The following MAP3K3 variants were observed in gnomAD, a reference collection of about 807,000 sequenced individuals.
MAP3K3 encodes the protein MAP/ERK kinase kinase 3.
In MAP3K3, 12 loss-of-function variants were observed where a neutral mutation model predicts 80.9. The observed-to-expected ratio is 0.15, with a 90% CI of 0.10 to 0.24. MAP3K3 has a LOEUF of 0.24. Ranked by LOEUF, MAP3K3 falls within the 10% of genes least tolerant of loss-of-function variation. MAP3K3 has a pLI of 1.00. For synonymous variants in MAP3K3, 272 were observed against 307.1 expected, an observed-to-expected ratio of 0.89 and a Z score of 1.19; for missense variants, 596 against 834.7, an observed-to-expected ratio of 0.71 and a Z score of 3.52.
At chr17:63,672,582 T>C (rs767587606) in intron 6 of MAP3K3, among the ~76,000 whole-genome samples, 17 of 152,186 alleles carry the variant, frequency 1.1e-4, no homozygotes, top group African/African-American at 2.4e-5. Flanking sequence ...GAAATTGTTA[T>C]GTTGAAACCA....
intron 5 of MAP3K3, among the ~76,000 whole-genome samples, chr17:63,660,255 C>T (rs1193932293): frequency 6.6e-6 from 1 of 152,096 alleles, no homozygotes; most frequent in Non-Finnish European, 1.5e-5. Context: ...AGCTGGAGTG[C>T]AGTGGCGCAG....
At position 63,692,769 on chromosome 17, in the gene MAP3K3, C is replaced by T. The variant is rs543062447; in HGVS notation, c.1652+350C>T. On this transcript the variant is annotated intron_variant, in intron 15 of 15. Transcript: ENST00000361733. This position sits in a 1 kb window ranked among gnomAD's most constrained non-coding sequence, Gnocchi z 4.5. ...GCACTCAAGACAGTTTGCACTTGCT[C>T]GACATAACCTTGTGTCTATCCTCTG... is the stretch of plus-strand genomic sequence containing the variant. Among the ~76,000 whole-genome samples the T allele has an allele frequency of 7.2e-5, 11 of 152,302 alleles. 1 individual carries two copies. The South Asian group carries it at 2.3e-3, about 32-fold the overall frequency.
In MAP3K3 at chr17:63,622,500, AGCGGCGCCGCCGAGGCCGGGCTGG is replaced by A. The variant is rs1027721569; in HGVS notation, c.-257_-234del. On this transcript the variant is annotated 5_prime_UTR_variant, in exon 1 of 16. Coordinates refer to ENST00000361733, the MANE Select transcript of MAP3K3 (RefSeq NM_002401.5). Reference sequence around the variant, plus strand: ...GAGGGACTGGCGGGCGGGCGGGCCGAGCGGCGCCGCCGAGGCCGGGCTGGGCCGAGCCCAGGAGCGCCCGGGATG... The same window carrying A: ...GAGGGACTGGCGGGCGGGCGGGCCGAGCCGAGCCCAGGAGCGCCCGGGATG... 2 of 151,184 alleles carry A rather than the reference AGCGGCGCCGCCGAGGCCGGGCTGG, an allele frequency of 1.3e-5. No individual in the cohort carries two copies. The highest frequency in any genetic ancestry group is 4.9e-5 in the African/African-American group (2 of 40,746). 9.4% of individuals were successfully genotyped at this position (151,184 alleles called of 1,614,324 possible).
At chr17:63,681,246 A>G (rs949551585) in intron 6 of MAP3K3, among the ~76,000 whole-genome samples, 1 of 152,084 alleles carries the variant, frequency 6.6e-6, no homozygotes, top group Non-Finnish European at 1.5e-5. Flanking sequence ...CAAGTAGAGA[A>G]CAAATAAGGG....
intron 4 of MAP3K3, among the ~76,000 whole-genome samples, chr17:63,657,229 T>G (rs896144741): frequency 1.2e-4 from 19 of 152,058 alleles, no homozygotes; most frequent in Non-Finnish European, 2.6e-4. Flanking sequence ...TGTAACTGTT[T>G]GCAACTTGAT....
chr17:63,643,402 G>A (rs1016215575), intron 2 of MAP3K3, among the ~76,000 whole-genome samples: 3 of 152,008 alleles, frequency 2.0e-5, no homozygotes, highest in African/African-American at 7.3e-5. Flanking sequence ...AGCTACATGG[G>A]AGGCTGAGGT....
Position 63,690,271 on chromosome 17 carries a change from T to A in MAP3K3, c.1071T>A (p.Ser357Arg), listed in dbSNP as rs747155850. The A allele has an allele frequency of 6.2e-7, 1 of 1,613,868 alleles. No homozygotes were observed. Among genetic ancestry groups the A allele is most frequent in the South Asian group, 1.1e-5 (1 of 91,052 alleles). ...QERNVPTKSPSAPINWRRGKL... is the reference protein window; with the variant it reads ...QERNVPTKSPRAPINWRRGKL... ...CCTTCTGCTCTCCTGTAGCTCCCAG[T>A]GCCCCCATCAACTGGCGCCGGGGAA... The change falls in exon 12 of 16, where the codon AGT becomes AGA. Residue 357 changes from serine to arginine, a missense_variant. Around this residue, in one of 2 missense-constraint regions of MAP3K3, gnomAD observed 364 missense variants for 588.9 expected, o/e 0.62. Coordinates refer to ENST00000361733, the MANE Select transcript of MAP3K3 (RefSeq NM_002401.5).
rs1245803471 is a variant in MAP3K3, at chr17:63,694,836, G to A, written c.*1059G>A. ...GCTACCACCAGCTGTGTCCAAAACC[G>A]CCAGCTCTGTTCTTCCTCAGCCAGC... On this transcript the variant is annotated 3_prime_UTR_variant, in exon 16 of 16. Transcript: ENST00000361733. 6 of 153,172 alleles carry A rather than the reference G, an allele frequency of 3.9e-5. No individual in the cohort carries two copies. Among genetic ancestry groups the A allele is most frequent in the South Asian group, 4.1e-4 (2 of 4,842 alleles). The allele number at this position is 153,172 out of a possible 1,614,324, so 9.5% of individuals were successfully genotyped here.
At position 63,689,151 on chromosome 17, in the gene MAP3K3, C is replaced by G. The variant is rs1313069197; in HGVS notation, c.871+270C>G. On this transcript the variant is annotated intron_variant, in intron 10 of 15. Transcript: ENST00000361733. The surrounding 1 kb of genome is among the most constrained non-coding windows in gnomAD (Gnocchi z 4.3). ...CCATCTCTCCCATGTCCTCTTCTGCCCCACAGCAGCAGGTGGCCTGGGCCC... is the reference window on the plus strand; with the variant it reads ...CCATCTCTCCCATGTCCTCTTCTGCGCCACAGCAGCAGGTGGCCTGGGCCC... The G allele has an allele frequency of 1.8e-6, 1 of 566,612 alleles. No homozygotes were observed. Among genetic ancestry groups the G allele is most frequent in the East Asian group, 3.0e-5 (1 of 33,130 alleles). The allele number at this position is 566,612 out of a possible 1,614,324, so 35.1% of individuals were successfully genotyped here. A position where few individuals can be genotyped will look rare whatever the true frequency, so the allele number is the denominator to read the frequency against.
At chr17:63,631,803 T>C (rs912058152) in intron 1 of MAP3K3, among the ~76,000 whole-genome samples, 12 of 152,210 alleles carry the variant, frequency 7.9e-5, no homozygotes, top group African/African-American at 2.9e-4. Context: ...ACCCTTTGAC[T>C]TCCCCATGGG....
At chr17:63,688,410 A>G in intron 8 of MAP3K3, 117 bp from the exon 9 acceptor site, 1 of 805,114 alleles carries the variant, frequency 1.2e-6, no homozygotes, top group Non-Finnish European at 2.2e-6. Context: ...TTTCCCGCAA[A>G]ATCTGCTTCC....
In MAP3K3 at chr17:63,632,664, G is replaced by A. The variant is rs780415686; in HGVS notation, c.5-17G>A. Reference sequence around the variant, plus strand: ...TGTATTTAAGTGTCTTAGTCCATGTGCTCTCTTTCATTGCAGACGAACAGG... The same window carrying A: ...TGTATTTAAGTGTCTTAGTCCATGTACTCTCTTTCATTGCAGACGAACAGG... On this transcript the variant is annotated splice_polypyrimidine_tract_variant and intron_variant, in intron 1 of 15. Transcript: ENST00000361733. 1 of 1,613,408 alleles carries A rather than the reference G, an allele frequency of 6.2e-7. No homozygotes were observed. The highest frequency in any genetic ancestry group is 1.7e-5 in the Admixed American group (1 of 59,996).
intron 3 of MAP3K3, 135 bp from the exon 4 acceptor site, chr17:63,652,422 G>A (rs1029799756): frequency 4.7e-6 from 3 of 643,128 alleles, no homozygotes; most frequent in Middle Eastern, 3.7e-4. Context: ...GGAAACAATC[G>A]GGAAAAGGCA....
intron 5 of MAP3K3, 103 bp from the exon 6 acceptor site, chr17:63,666,837 A>T: frequency 7.8e-7 from 1 of 1,289,258 alleles, no homozygotes; most frequent in Non-Finnish European, 1.1e-6. Context: ...AAAAGCATGA[A>T]GGTGGCTGAG....
rs1298185299 is a variant in MAP3K3 at position 63,693,622 on chromosome 17, A to G, written c.1726A>G (p.Ile576Val). 35 of 1,610,314 alleles carry G rather than the reference A, an allele frequency of 2.2e-5. No individual in the cohort carries two copies. The highest frequency in any genetic ancestry group is 2.9e-5 in the Non-Finnish European group (34 of 1,177,512). The change falls in exon 16 of 16, where the codon ATC (isoleucine) becomes GTC (valine). Residue 576 changes from isoleucine (I) to valine (V), a missense_variant. Coordinates refer to ENST00000361733, the MANE Select transcript of MAP3K3 (RefSeq NM_002401.5). The surrounding 1 kb of genome is among the most constrained non-coding windows in gnomAD (Gnocchi z 4.2). Reference sequence around the variant, plus strand: ...GGCAGAGTATGAAGCTATGGCCGCCATCTTCAAGATTGCCACCCAGCCCAC... The same window carrying G: ...GGCAGAGTATGAAGCTATGGCCGCCGTCTTCAAGATTGCCACCCAGCCCAC... Reference protein sequence around the residue: ...PWAEYEAMAAIFKIATQPTNP... With the variant: ...PWAEYEAMAAVFKIATQPTNP...
rs115922784 is a variant in MAP3K3 at position 63,685,847 on chromosome 17, C to T, written c.710+257C>T. ...AAGTGCTTTACATGTTTTGACTTTC[C>T]ATATAATATATGCCGCTCTCGTACT... On this transcript the variant is annotated intron_variant, in intron 8 of 15. Transcript: ENST00000361733. Among the ~76,000 whole-genome samples the T allele has an allele frequency of 8.5e-3, 1,292 of 152,272 alleles. 21 individuals are homozygous for T. Among genetic ancestry groups the T allele is most frequent in the African/African-American group, 0.029 (1,203 of 41,550 alleles).
rs2035535256 is a variant in MAP3K3 at position 63,689,484 on chromosome 17, A to G, written c.872-60A>G. 3 of 1,483,496 alleles carry G rather than the reference A, an allele frequency of 2.0e-6. No individual in the cohort carries two copies. Among genetic ancestry groups the G allele is most frequent in the Admixed American group, 3.9e-5 (2 of 51,688 alleles). The allele number at this position is 1,483,496 out of a possible 1,614,324, so 91.9% of individuals were successfully genotyped here. A position where few individuals can be genotyped will look rare whatever the true frequency, so the allele number is the denominator to read the frequency against. On this transcript the variant is annotated intron_variant, in intron 10 of 15. Transcript: ENST00000361733. The surrounding 1 kb of genome is among the most constrained non-coding windows in gnomAD (Gnocchi z 4.3). Reference sequence around the variant, plus strand: ...CCGGGGTGTCTCAGACCTGGTTTGTACGTTCCGCCTCGTAGCCTGGGGTGT... The same window carrying G: ...CCGGGGTGTCTCAGACCTGGTTTGTGCGTTCCGCCTCGTAGCCTGGGGTGT...
intron 2 of MAP3K3, among the ~76,000 whole-genome samples, chr17:63,643,776 G>A (rs1376466194): frequency 6.6e-6 from 1 of 152,200 alleles, no homozygotes; most frequent in Non-Finnish European, 1.5e-5. Flanking sequence ...AGGAAATAGT[G>A]TGGGAAGCTG....
intron 5 of MAP3K3, among the ~76,000 whole-genome samples, chr17:63,663,470 C>G (rs1346060659): frequency 1.3e-5 from 2 of 151,362 alleles, no homozygotes; most frequent in Non-Finnish European, 2.9e-5. Context: ...CCATTGCACT[C>G]CAGCCTGGGC....
Sources: allele counts gnomAD v4.1 joint callset (sites outside exome capture counted in the v4.1 genomes callset), GRCh38; gene constraint gnomAD v4.1.1; regional missense constraint gnomAD v4.1.1; non-coding constraint Gnocchi (gnomAD v3.1); transcripts MANE v1.5; gene names NCBI Gene and HGNC (gene_info 2026-07-23, HGNC 2026-07-21).